DNAH6: variants seen among roughly 807,000 people sequenced by gnomAD.
The protein encoded by DNAH6 is dynein axonemal heavy chain 6, also known as axonemal beta dynein heavy chain 6.
A neutral mutation model predicts 491.4 loss-of-function variants in DNAH6; 340 were observed. The observed-to-expected ratio is 0.69, with a 90% CI of 0.63 to 0.76. The LOEUF (loss-of-function observed/expected upper bound fraction) is 0.76, where lower values mean the gene tolerates loss of function less well. Ranked by LOEUF, DNAH6 falls within the 30% of genes least tolerant of loss-of-function variation. DNAH6 has a pLI of 0.00. For missense variants in DNAH6, 4,443 were observed against 4,972.2 expected (o/e 0.89, Z 3.20); for synonymous variants, 1,603 against 1,686.1 (o/e 0.95, Z 1.21).
chr2:84,779,325 A>G (rs933649514), intron 64 of DNAH6, among the ~76,000 whole-genome samples: 8 of 152,242 alleles, frequency 5.3e-5, no homozygotes, highest in South Asian at 2.1e-4. Flanking sequence ...GGGTATTCCA[A>G]TGTTGGGTGC....
chr2:84,562,991 G>T lies in DNAH6; in HGVS notation c.1803+5056G>T, dbSNP rs148608843. Reference sequence around the variant, plus strand: ...TTGAATCATGGGGGCGGGTTTTCCCGTGCTGTTCTCGTGATAATGAATAAG... The same window carrying T: ...TTGAATCATGGGGGCGGGTTTTCCCTTGCTGTTCTCGTGATAATGAATAAG... On this transcript the variant is annotated intron_variant, in intron 11 of 76. Transcript: ENST00000389394. 1.2e-3 allele frequency among the ~76,000 whole-genome samples: 176 copies of T among 152,228 alleles called. 4 individuals carry two copies. In the East Asian group the frequency reaches 0.031, roughly 27 times the overall value.
chr2:84,493,693 T>G, the DNAH6 span, among the ~76,000 whole-genome samples: 5 of 152,152 alleles, frequency 3.3e-5, no homozygotes, highest in African/African-American at 1.2e-4. Context: ...ACTGAAAGGC[T>G]CCAGAAGGAA....
Position 84,707,010 on chromosome 2 carries a change from G to A in DNAH6, c.8842G>A (p.Glu2948Lys), listed in dbSNP as rs1696524177. 36 of 1,513,464 alleles carry A rather than the reference G, an allele frequency of 2.4e-5. No individual in the cohort carries two copies. The highest frequency in any genetic ancestry group is 3.0e-5 in the Non-Finnish European group (34 of 1,137,678). 93.8% of individuals were successfully genotyped at this position (1,513,464 alleles called of 1,614,324 possible). Reference sequence around the variant, plus strand: ...ATATGACAAAGGTGTAAATGAAAAAGAAAGCCTGGGTAAGTAACTCATAAA... The same window carrying A: ...ATATGACAAAGGTGTAAATGAAAAAAAAAGCCTGGGTAAGTAACTCATAAA... ...DEYDKGVNEK[E>K]SLAKTMALTK... The change falls in exon 53 of 77, where the codon GAA becomes AAA. Residue 2948 changes from glutamate (E) to lysine (K), a missense_variant. By Grantham distance (56) the Glu-to-Lys change is moderately conservative (BLOSUM62 1). Around this residue, in one of 3 missense-constraint regions of DNAH6, gnomAD observed 1,463 missense variants for 1,656.6 expected, o/e 0.88. Transcript: ENST00000389394.
chr2:84,575,740 C>A (rs1306143064), intron 12 of DNAH6, among the ~76,000 whole-genome samples: 1 of 152,088 alleles, frequency 6.6e-6, no homozygotes, highest in African/African-American at 2.4e-5. Flanking sequence ...AAAAATTAGC[C>A]GGGTGTGGTG....
At chr2:84,732,941 C>T (rs1699241448) in intron 61 of DNAH6, among the ~76,000 whole-genome samples, 1 of 152,204 alleles carries the variant, frequency 6.6e-6, no homozygotes, top group Non-Finnish European at 1.5e-5. Context: ...TGCCAGATGG[C>T]ATAACACTTC....
chr2:84,809,176 T>C (rs539328842), intron 72 of DNAH6, among the ~76,000 whole-genome samples: 18 of 152,382 alleles, frequency 1.2e-4, no homozygotes, highest in Admixed American at 3.3e-4. Flanking sequence ...GTCAAAGGCC[T>C]TCCTAGTTTC....
intron 63 of DNAH6, among the ~76,000 whole-genome samples, chr2:84,755,958 TC>T (rs1490730012): frequency 1.3e-5 from 2 of 152,084 alleles, no homozygotes; most frequent in African/African-American, 2.4e-5. Context: ...AAAGAGGAGT[TC>T]CCCTGCGCAA....
At chr2:84,749,484 T>A (rs905833927) in intron 63 of DNAH6, among the ~76,000 whole-genome samples, 39 of 152,214 alleles carry the variant, frequency 2.6e-4, no homozygotes, top group African/African-American at 9.4e-4. Context: ...GACAATGTTC[T>A]GAGGTTGACC....
At chr2:84,676,743 A>G (rs1252729079) in intron 40 of DNAH6, among the ~76,000 whole-genome samples, 3 of 152,242 alleles carry the variant, frequency 2.0e-5, no homozygotes, top group Non-Finnish European at 4.4e-5. Flanking sequence ...TTACAGTTTC[A>G]CATAAAGGTA....
intron 54 of DNAH6, among the ~76,000 whole-genome samples, chr2:84,708,482 G>GGGA (rs1553473259): frequency 0.051 from 5,110 of 100,996 alleles, 575 homozygotes; most frequent in African/African-American, 0.19. Context: ...GAAAGGGGGG[G>GGGA]GGGAGGGAGG....
At chr2:84,541,258 G>A (rs982564075) in intron 4 of DNAH6, among the ~76,000 whole-genome samples, 1 of 152,106 alleles carries the variant, frequency 6.6e-6, no homozygotes, top group Non-Finnish European at 1.5e-5. Context: ...TCTGGGGGAT[G>A]ACCTCTCAGT....
At chr2:84,645,529 A>G (rs1187556696) in intron 33 of DNAH6, among the ~76,000 whole-genome samples, 2 of 133,476 alleles carry the variant, frequency 1.5e-5, no homozygotes, top group East Asian at 1.9e-4. Flanking sequence ...TTTTTTTCAT[A>G]TGTTTGTTGG....
intron 46 of DNAH6, among the ~76,000 whole-genome samples, chr2:84,694,764 A>G (rs577461319): frequency 6.6e-6 from 1 of 152,256 alleles, no homozygotes; most frequent in Admixed American, 6.5e-5. Context: ...GTAATAAACT[A>G]TAAAAGTGCA....
chr2:84,804,744 A>T (rs1240563063), intron 70 of DNAH6, among the ~76,000 whole-genome samples: 1 of 152,228 alleles, frequency 6.6e-6, no homozygotes, highest in African/African-American at 2.4e-5. Context: ...AAATATGTAT[A>T]ACAGAAAATA....
In DNAH6 at chr2:84,704,114, T is replaced by G. The variant is rs1256517765; in HGVS notation, c.8277T>G (p.Ala2759=). The change falls in exon 51 of 77, where the codon GCT becomes GCG. Residue 2759 remains alanine, a synonymous_variant. Transcript: ENST00000389394. ...ATGAAGCAACAGCAAAAGTCAAAGC[T>G]GAAGAAACCCAAGCAATAGCTGATG... The part of the protein sequence containing the change: ...QEDEATAKVK[A]EETQAIADDA... 6.4e-7 allele frequency: 1 copy of G among 1,551,844 alleles called. No individual in the cohort carries two copies. Among genetic ancestry groups the G allele is most frequent in the Non-Finnish European group, 8.7e-7 (1 of 1,147,020 alleles).
intron 64 of DNAH6, among the ~76,000 whole-genome samples, chr2:84,766,543 C>G (rs143247639): frequency 6.6e-6 from 1 of 152,244 alleles, no homozygotes; most frequent in East Asian, 1.9e-4. Flanking sequence ...TAAATTGATG[C>G]ATATTTGTGG....
In DNAH6 at chr2:84,604,382, G is replaced by C; in HGVS notation, c.2912G>C (p.Arg971Thr). The C allele has an allele frequency of 6.4e-7, 1 of 1,552,210 alleles. No individual in the cohort carries two copies. Among genetic ancestry groups the C allele is most frequent in the Non-Finnish European group, 8.7e-7 (1 of 1,147,078 alleles). The change falls in exon 19 of 77, where the codon AGA becomes ACA. Residue 971 changes from arginine (R) to threonine (T), a missense_variant. Arg to Thr is a moderately conservative substitution (Grantham distance 71, BLOSUM62 -1). Transcript: ENST00000389394. ...IDLRNPTLKA[R>T]HWAAIEQTVD... ...TTGAGGAACCCGACTTTGAAGGCAAGACATTGGGCAGCTATTGAACAAACA... is the reference window on the plus strand; with the variant it reads ...TTGAGGAACCCGACTTTGAAGGCAACACATTGGGCAGCTATTGAACAAACA...
chr2:84,748,843 C>T (rs1673198750), intron 63 of DNAH6, among the ~76,000 whole-genome samples: 1 of 152,212 alleles, frequency 6.6e-6, no homozygotes, highest in South Asian at 2.1e-4. Context: ...GTCCATTGGG[C>T]TCACAGTTCT....
chr2:84,632,938 A>C (rs965505984), intron 29 of DNAH6, among the ~76,000 whole-genome samples: 2 of 152,230 alleles, frequency 1.3e-5, no homozygotes, highest in African/African-American at 4.8e-5. Flanking sequence ...TCTTTCTTGA[A>C]TCTTCACCTA....
Sources: allele counts gnomAD v4.1 joint callset (sites outside exome capture counted in the v4.1 genomes callset), GRCh38; gene constraint gnomAD v4.1.1; regional missense constraint gnomAD v4.1.1; transcripts MANE v1.5; gene names NCBI Gene and HGNC (gene_info 2026-07-23, HGNC 2026-07-21).